The following ITPK1 variants were observed in gnomAD, a reference collection of about 807,000 sequenced individuals.
ITPK1 encodes the protein inositol-tetrakisphosphate 1-kinase, also known as inositol 1,3,4-trisphosphate 5/6-kinase.
Under a neutral mutation model 45.3 loss-of-function variants are expected in ITPK1, and 21 were observed. That is an observed-to-expected ratio of 0.46 (90% CI 0.33 to 0.67). The LOEUF (loss-of-function observed/expected upper bound fraction) is 0.67, where lower values mean the gene tolerates loss of function less well. ITPK1 is among the 30% of genes least tolerant of loss of function. The probability of loss-of-function intolerance (pLI) is 0.02; values close to 1 mark genes in which losing one functional copy is unlikely to be tolerated. For missense variants in ITPK1, 474 were observed against 573.5 expected (o/e 0.83, Z 1.77); for synonymous variants, 258 against 253.6 (o/e 1.02, Z -0.16).
chr14:93,009,334 G>A (rs184520580), intron 4 of ITPK1, among the ~76,000 whole-genome samples: 5 of 152,246 alleles, frequency 3.3e-5, no homozygotes, highest in Admixed American at 2.6e-4. Context: ...AACCCTGACC[G>A]TCCACACACA....
intron 2 of ITPK1, 69 bp downstream of exon 2, chr14:93,115,000 G>C (rs567197069): frequency 4.6e-4 from 380 of 831,122 alleles, no homozygotes; most frequent in Non-Finnish European, 6.4e-4. Context: ...AGGCTGCACC[G>C]GGCTCGGGCC....
chr14:93,030,177 G>A (rs1888963443), intron 3 of ITPK1, among the ~76,000 whole-genome samples: 1 of 152,262 alleles, frequency 6.6e-6, no homozygotes, highest in Non-Finnish European at 1.5e-5. Flanking sequence ...ACTCAGTAGA[G>A]CTGACTGGGG....
intron 2 of ITPK1, among the ~76,000 whole-genome samples, chr14:93,103,930 C>T (rs913117451): frequency 6.6e-6 from 1 of 152,204 alleles, no homozygotes; most frequent in Non-Finnish European, 1.5e-5. Context: ...GGAGGATCCC[C>T]CAGAAAAAGA....
chr14:93,077,575 C>A (rs1288671885), intron 2 of ITPK1, among the ~76,000 whole-genome samples: 1 of 152,212 alleles, frequency 6.6e-6, no homozygotes, highest in African/African-American at 2.4e-5. Flanking sequence ...GCCTCAGCCT[C>A]CCAAAGTGCT....
chr14:93,100,622 C>T (rs1006639469), intron 2 of ITPK1, among the ~76,000 whole-genome samples: 3 of 151,978 alleles, frequency 2.0e-5, no homozygotes, highest in African/African-American at 7.2e-5. Flanking sequence ...CTGAGTCTAC[C>T]TACACCTGAA....
At chr14:93,010,502 T>C (rs1887836893) in intron 4 of ITPK1, among the ~76,000 whole-genome samples, 1 of 152,220 alleles carries the variant, frequency 6.6e-6, no homozygotes, top group Non-Finnish European at 1.5e-5. Context: ...GAGGCCCAGG[T>C]GGGCCAGCAG....
At chr14:93,091,209 A>G (rs964765491) in intron 2 of ITPK1, among the ~76,000 whole-genome samples, 3 of 152,266 alleles carry the variant, frequency 2.0e-5, no homozygotes, top group Non-Finnish European at 4.4e-5. Context: ...ATACAGATAT[A>G]ATTTCAAGTG....
At chr14:93,115,327 G>A (rs1595231626) in intron 1 of ITPK1, 22 bp from the exon 2 acceptor site, 1 of 286,452 alleles carries the variant, frequency 3.5e-6, no homozygotes. Flanking sequence ...AGCGGAGCGG[G>A]GCGGGGCGCG....
At position 92,958,954 on chromosome 14, in the gene ITPK1, G is replaced by C. The variant is rs1884902256; in HGVS notation, c.505-588C>G. ...ACAGATGAGGACGATGAGGCGCTGA[G>C]AGGTTCAGTGACTGCTGGACAGTGA... On this transcript the variant is annotated intron_variant, in intron 7 of 10. Coordinates refer to ENST00000267615, the MANE Select transcript of ITPK1 (RefSeq NM_014216.6). The surrounding 1 kb of genome is among the most constrained non-coding windows in gnomAD (Gnocchi z 4.4). Among the ~76,000 whole-genome samples, 1 of 152,238 alleles carries C rather than the reference G, an allele frequency of 6.6e-6. No homozygotes were observed. The highest frequency in any genetic ancestry group is 2.4e-5 in the African/African-American group (1 of 41,470).
intron 3 of ITPK1, among the ~76,000 whole-genome samples, chr14:93,026,023 C>T (rs985430438): frequency 6.6e-6 from 1 of 152,106 alleles, no homozygotes; most frequent in African/African-American, 2.4e-5. Flanking sequence ...GTCATCCCAG[C>T]TACTCAGGAG....
intron 2 of ITPK1, among the ~76,000 whole-genome samples, chr14:93,105,419 T>C (rs1013739681): frequency 6.6e-6 from 1 of 152,074 alleles, no homozygotes; most frequent in African/African-American, 2.4e-5. Flanking sequence ...ATCAGGGTAC[T>C]TCACAAGGAG....
intron 3 of ITPK1, among the ~76,000 whole-genome samples, chr14:93,072,581 A>G (rs1262426941): frequency 2.0e-5 from 3 of 151,934 alleles, no homozygotes; most frequent in Non-Finnish European, 4.4e-5. Context: ...GCCAAGAATT[A>G]CAGTAATCTA....
chr14:92,975,867 G>A lies in ITPK1; in HGVS notation c.365-13018C>T, dbSNP rs577845787. On this transcript the variant is annotated intron_variant, in intron 5 of 10. Transcript: ENST00000267615. ...CATCCCCATGTCATGGGAGGGAGCC[G>A]GTGGGAGGTAATTGAATCATGGAGG... is the stretch of plus-strand genomic sequence containing the variant. Among the ~76,000 whole-genome samples, 9 of 152,274 alleles carry A rather than the reference G, an allele frequency of 5.9e-5. No homozygotes were observed. In the South Asian group the frequency reaches 8.3e-4, roughly 14 times the overall value.
At chr14:93,103,114 A>AAG (rs1892387547) in intron 2 of ITPK1, among the ~76,000 whole-genome samples, 1 of 143,318 alleles carries the variant, frequency 7.0e-6, no homozygotes, top group African/African-American at 2.7e-5. Context: ...AAAAAAAAAA[A>AAG]AAAGAAAGAA....
chr14:92,954,879 C>T (rs774089606), intron 8 of ITPK1, among the ~76,000 whole-genome samples: 4 of 152,190 alleles, frequency 2.6e-5, no homozygotes, highest in Non-Finnish European at 4.4e-5. Flanking sequence ...CAAGTGGCTC[C>T]CCTCACCCAG....
intron 7 of ITPK1, among the ~76,000 whole-genome samples, chr14:92,961,650 C>A (rs1039182689): frequency 4.6e-5 from 7 of 152,214 alleles, no homozygotes; most frequent in African/African-American, 1.7e-4. Flanking sequence ...AGAGATGACA[C>A]TGATGGCCCA....
At chr14:93,062,384 C>T (rs371045086) in intron 3 of ITPK1, among the ~76,000 whole-genome samples, 3 of 151,870 alleles carry the variant, frequency 2.0e-5, no homozygotes, top group African/African-American at 4.8e-5. Flanking sequence ...AAGCTATGAT[C>T]GCACCACTAC....
In ITPK1 at chr14:93,035,321, A is replaced by G. The variant is rs536469516; in HGVS notation, c.121-18520T>C. Among the ~76,000 whole-genome samples the G allele has an allele frequency of 2.6e-5, 4 of 152,360 alleles. No homozygotes were observed. The East Asian group carries it at 7.7e-4, about 29-fold the overall frequency. The stretch of plus-strand genomic sequence containing the variant: ...ATGGAGGCTCTTCCAGAATGACCCA[A>G]AAGAGTGCAGTGAGCACACAAAGGC... On this transcript the variant is annotated intron_variant, in intron 3 of 10. Coordinates refer to ENST00000267615, the MANE Select transcript of ITPK1 (RefSeq NM_014216.6).
At chr14:93,082,402 A>C (rs1396343608) in intron 2 of ITPK1, among the ~76,000 whole-genome samples, 2 of 152,188 alleles carry the variant, frequency 1.3e-5, no homozygotes, top group Non-Finnish European at 2.9e-5. Context: ...CAGGAGCGGA[A>C]GAGGTGGGTG....
Sources: gnomAD v4.1 joint callset for allele counts (sites outside exome capture counted in the v4.1 genomes callset) on GRCh38, gnomAD v4.1.1 for gene constraint, Gnocchi (gnomAD v3.1) non-coding constraint, MANE v1.5 for transcripts, NCBI Gene and HGNC (gene_info 2026-07-23, HGNC 2026-07-21) for gene names.